DCP2: variants seen among roughly 807,000 people sequenced by gnomAD.
DCP2 encodes decapping mRNA 2.
In DCP2, 30 loss-of-function variants were observed where a neutral mutation model predicts 56.1. That is an observed-to-expected ratio of 0.53 (90% CI 0.40 to 0.73). The LOEUF is 0.73. Ranked by LOEUF, DCP2 falls within the 30% of genes least tolerant of loss-of-function variation. The pLI is 0.00. For synonymous variants in DCP2, 197 were observed against 163.3 expected, an observed-to-expected ratio of 1.21 and a Z score of -1.57; for missense variants, 533 against 502.7, an observed-to-expected ratio of 1.06 and a Z score of -0.58.
In DCP2 at chr5:112,996,629, C is replaced by A. The variant is rs534610574; in HGVS notation, c.432+3859C>A. 1.2e-3 allele frequency among the ~76,000 whole-genome samples: 187 copies of A among 152,298 alleles called. 1 individual carries two copies. Among genetic ancestry groups the A allele is most frequent in the Non-Finnish European group, 2.3e-3 (158 of 68,026 alleles). On this transcript the variant is annotated intron_variant, in intron 4 of 10. Transcript: ENST00000389063. Reference sequence around the variant, plus strand: ...AAGGGTCTGTGGGCTAAGCCTAAAGCAGCAGTGGCAGACAAGCTACTTAGG... The same window carrying A: ...AAGGGTCTGTGGGCTAAGCCTAAAGAAGCAGTGGCAGACAAGCTACTTAGG...
chr5:112,979,286 A>G (rs971525186), intron 1 of DCP2, among the ~76,000 whole-genome samples: 4 of 152,200 alleles, frequency 2.6e-5, no homozygotes, highest in African/African-American at 9.6e-5. Context: ...ACATTTCTCA[A>G]AACTTCAGAT....
chr5:112,990,686 C>T (rs1748544457), intron 2 of DCP2, among the ~76,000 whole-genome samples: 1 of 152,162 alleles, frequency 6.6e-6, no homozygotes, highest in Admixed American at 6.5e-5. Context: ...AAGCATTCCT[C>T]CTGCTTTGGC....
chr5:112,989,563 G>C (rs1047623520), intron 2 of DCP2, among the ~76,000 whole-genome samples: 2 of 152,116 alleles, frequency 1.3e-5, no homozygotes, highest in African/African-American at 4.8e-5. Flanking sequence ...ATGCTACAGA[G>C]TAATTCAGAG....
Position 113,001,240 on chromosome 5 carries a change from T to C in DCP2, c.585+4T>C, listed in dbSNP as rs1226917093. Reference sequence around the variant, plus strand: ...AAAAACTAGAAGAGAAATTCGGGTATGTAACAAGAGTATTTTCAGGTTACT... The same window carrying C: ...AAAAACTAGAAGAGAAATTCGGGTACGTAACAAGAGTATTTTCAGGTTACT... On this transcript the variant is annotated splice_donor_region_variant and intron_variant, in intron 5 of 10. Transcript: ENST00000389063. The C allele has an allele frequency of 1.9e-6, 3 of 1,612,456 alleles. No homozygotes were observed. Among genetic ancestry groups the C allele is most frequent in the Non-Finnish European group, 2.5e-6 (3 of 1,179,564 alleles).
rs1252180340 is a variant in DCP2, at chr5:113,019,500, A to G, written c.*6016A>G. The G allele has an allele frequency of 1.3e-5, 2 of 152,190 alleles. No individual in the cohort carries two copies. Among genetic ancestry groups the G allele is most frequent in the African/African-American group, 4.8e-5 (2 of 41,450 alleles). 9.4% of individuals were successfully genotyped at this position (152,190 alleles called of 1,614,324 possible). On this transcript the variant is annotated 3_prime_UTR_variant, in exon 11 of 11. Coordinates refer to ENST00000389063, the MANE Select transcript of DCP2 (RefSeq NM_152624.6). ...GTGTTAGGATGTTGCACAAGTAATC[A>G]TTTAATGTTAAATGCAAGTGTCCAA...
At chr5:112,993,059 A>G (rs901634987) in intron 4 of DCP2, among the ~76,000 whole-genome samples, 1 of 150,820 alleles carries the variant, frequency 6.6e-6, no homozygotes, top group African/African-American at 2.4e-5. Flanking sequence ...TAGATTTCCT[A>G]TTGGTAAAAC....
intron 2 of DCP2, among the ~76,000 whole-genome samples, chr5:112,991,397 A>G (rs1748581072): frequency 6.6e-6 from 1 of 152,070 alleles, no homozygotes; most frequent in Admixed American, 6.5e-5. Flanking sequence ...CAGGGTTTGG[A>G]TTTTACTTAC....
At chr5:113,013,231 AC>A in intron 10 of DCP2, 89 bp from the exon 11 acceptor site, 1 of 1,367,986 alleles carries the variant, frequency 7.3e-7, no homozygotes, top group Non-Finnish European at 9.9e-7. Context: ...TATACTCAAA[AC>A]TAATTGTTTT....
intron 7 of DCP2, among the ~76,000 whole-genome samples, chr5:113,003,453 G>A (rs1749273524): frequency 6.6e-6 from 1 of 152,074 alleles, no homozygotes; most frequent in African/African-American, 2.4e-5. Context: ...GCGTGTGTCT[G>A]TAGTCTCAGC....
At chr5:112,992,626 T>C (rs375699889) in intron 3 of DCP2, 46 bp from the exon 4 acceptor site, 3 of 1,356,574 alleles carry the variant, frequency 2.2e-6, no homozygotes, top group Non-Finnish European at 1.0e-6. Flanking sequence ...GAAAGGAGCA[T>C]GGAAAAGGAG....
intron 4 of DCP2, among the ~76,000 whole-genome samples, chr5:113,000,589 C>T (rs185745893): frequency 3.3e-5 from 5 of 152,038 alleles, no homozygotes; most frequent in African/African-American, 4.8e-5. Context: ...CATTATTAAG[C>T]TCTATCTCAA....
intron 9 of DCP2, among the ~76,000 whole-genome samples, chr5:113,008,849 CTTTT>C (rs201529934): frequency 1.4e-5 from 2 of 147,400 alleles, no homozygotes; most frequent in Non-Finnish European, 3.0e-5. Context: ...AGACAGATAA[CTTTT>C]TTTTTTTTTG....
intron 9 of DCP2, 25 bp from the exon 10 acceptor site, chr5:113,010,731 G>A (rs768067516): frequency 5.4e-6 from 8 of 1,475,180 alleles, no homozygotes; most frequent in African/African-American, 1.9e-5. Context: ...GTGTGTGTGT[G>A]TGTGTTTTTT....
chr5:112,977,760 C>G (rs1289859606), intron 1 of DCP2, among the ~76,000 whole-genome samples: 1 of 152,134 alleles, frequency 6.6e-6, no homozygotes, highest in African/African-American at 2.4e-5. Flanking sequence ...TGCTTATTTT[C>G]CGAAGGTAAA....
Position 113,001,110 on chromosome 5 carries a change from C to T in DCP2, c.459C>T (p.Ile153=). Residue 153 remains isoleucine, a synonymous_variant, in exon 5 of 11, where the codon ATC becomes ATT. Coordinates refer to ENST00000389063, the MANE Select transcript of DCP2 (RefSeq NM_152624.6). ...TCTTTGAAGAAACTGGTTTTGATAT[C>T]AAAGACTATATTTGTAAGGATGATT... The part of the protein sequence containing the change: ...REVFEETGFD[I]KDYICKDDYI... 1.2e-6 allele frequency: 2 copies of T among 1,607,460 alleles called. No individual in the cohort carries two copies. Among genetic ancestry groups the T allele is most frequent in the Non-Finnish European group, 8.5e-7 (1 of 1,177,562 alleles).
chr5:113,004,142 A>C, intron 8 of DCP2, 65 bp downstream of exon 8: 1 of 1,553,700 alleles, frequency 6.4e-7, no homozygotes, highest in Non-Finnish European at 8.8e-7. Flanking sequence ...ATTTTTCTCA[A>C]TTGGAGAATT....
Position 113,008,389 on chromosome 5 carries a change from A to G in DCP2, c.1047+347A>G, listed in dbSNP as rs555835341. ...GGTAAAAGTTTGGGGGGATTTGACT[A>G]TTTTTTTCTTCAAGTTGATAGAGTT... On this transcript the variant is annotated intron_variant, in intron 9 of 10. Transcript: ENST00000389063. 12 of 168,304 alleles carry G rather than the reference A, an allele frequency of 7.1e-5. No individual in the cohort carries two copies. In the East Asian group the frequency reaches 9.4e-4, roughly 13 times the overall value. 10.4% of individuals were successfully genotyped at this position (168,304 alleles called of 1,614,324 possible).
In DCP2 at chr5:113,010,753, T is replaced by C; in HGVS notation, c.1048-3T>C. On this transcript the variant is annotated splice_polypyrimidine_tract_variant and splice_region_variant and intron_variant, in intron 9 of 10. Coordinates refer to ENST00000389063, the MANE Select transcript of DCP2 (RefSeq NM_152624.6). ...TGTGTGTGTTTTTTTTTTTTTTAAA[T>C]AGAAGTGTGAAAAGAAACTTCATCC... The C allele has an allele frequency of 6.3e-7, 1 of 1,576,564 alleles. No homozygotes were observed. Among genetic ancestry groups the C allele is most frequent in the Non-Finnish European group, 8.6e-7 (1 of 1,169,338 alleles).
chr5:113,021,982 C>T lies in DCP2; in HGVS notation c.*8498C>T, dbSNP rs1386455693. 6.6e-6 allele frequency: 1 copy of T among 152,032 alleles called. No homozygotes were observed. The highest frequency in any genetic ancestry group is 1.5e-5 in the Non-Finnish European group (1 of 68,016). The allele number at this position is 152,032 out of a possible 1,614,324, so 9.4% of individuals were successfully genotyped here. A position where few individuals can be genotyped will look rare whatever the true frequency, so the allele number is the denominator to read the frequency against. ...TCTAATAATAGTCTTACTTCTAGAC[C>T]CCTGCTTTGACTAGGGCTCTTGATT... On this transcript the variant is annotated 3_prime_UTR_variant, in exon 11 of 11. Transcript: ENST00000389063.
Sources: gnomAD v4.1 joint callset for allele counts (sites outside exome capture counted in the v4.1 genomes callset) on GRCh38, gnomAD v4.1.1 for gene constraint, MANE v1.5 for transcripts, NCBI Gene and HGNC (gene_info 2026-07-23, HGNC 2026-07-21) for gene names.